Variants in FAM221A observed in about 807,000 individuals in gnomAD.
FAM221A encodes family with sequence similarity 221 member A.
A neutral mutation model predicts 37.6 loss-of-function variants in FAM221A; 43 were observed. The observed-to-expected ratio is 1.15, with a 90% CI of 0.90 to 1.48. FAM221A has a LOEUF of 1.48. Ranked by LOEUF, FAM221A falls within the 40% of genes most tolerant of loss-of-function variation. FAM221A has a pLI of 0.00. For synonymous variants in FAM221A, 135 were observed against 132.9 expected (o/e 1.02, Z -0.11); for missense variants, 361 against 361.5 (o/e 1.00, Z 0.01).
intron 3 of FAM221A, 90 bp from the exon 4 acceptor site, chr7:23,691,300 A>C: frequency 8.4e-7 from 1 of 1,196,182 alleles, no homozygotes; most frequent in Non-Finnish European, 1.2e-6. Context: ...CAGAGGATCT[A>C]GGTTCAGCTG....
intron 1 of FAM221A, among the ~76,000 whole-genome samples, chr7:23,681,862 G>C (rs1204880041): frequency 6.6e-6 from 1 of 152,164 alleles, no homozygotes; most frequent in Admixed American, 6.5e-5. Flanking sequence ...GGGGTGGGAA[G>C]ATGAGTCAAA....
intron 2 of FAM221A, among the ~76,000 whole-genome samples, chr7:23,686,073 T>C (rs1338889259): frequency 2.0e-5 from 3 of 152,198 alleles, no homozygotes; most frequent in Admixed American, 6.5e-5. Flanking sequence ...TATAAATTTA[T>C]TTAGCAACTC....
chr7:23,680,293 T>C lies in FAM221A; in HGVS notation c.65+10T>C, dbSNP rs1261345063. 2.6e-6 allele frequency: 4 copies of C among 1,538,834 alleles called. No homozygotes were observed. In the Admixed American group the frequency reaches 7.9e-5, roughly 31 times the overall value. ...ACCTGGAGTACCGGAGGTGAGGCTG[T>C]GGCTCCGGGCCTGCCCCCCCGCCGC... is the stretch of plus-strand genomic sequence containing the variant. On this transcript the variant is annotated intron_variant, in intron 1 of 6. Coordinates refer to ENST00000344962, the MANE Select transcript of FAM221A (RefSeq NM_199136.5).
chr7:23,700,198 A>G (rs1360816998), intron 5 of FAM221A, among the ~76,000 whole-genome samples: 3 of 152,204 alleles, frequency 2.0e-5, no homozygotes, highest in African/African-American at 7.2e-5. Context: ...GAAGGGACCC[A>G]GTGAAGACCT....
intron 5 of FAM221A, among the ~76,000 whole-genome samples, chr7:23,700,215 G>T (rs559231977): frequency 6.6e-6 from 1 of 152,270 alleles, no homozygotes; most frequent in Admixed American, 6.5e-5. Flanking sequence ...ACCTTCACTC[G>T]CAATGAAGGT....
chr7:23,685,579 C>T (rs1784320295), intron 2 of FAM221A, among the ~76,000 whole-genome samples: 1 of 152,182 alleles, frequency 6.6e-6, no homozygotes, highest in African/African-American at 2.4e-5. Flanking sequence ...ATCATGCTGT[C>T]CATCTATAAG....
At chr7:23,687,486 C>G (rs1283105815) in intron 2 of FAM221A, 2 of 152,012 alleles carry the variant, frequency 1.3e-5, no homozygotes, top group Admixed American at 1.3e-4. Flanking sequence ...GATGTAAGTA[C>G]TATTGCTAAT....
intron 4 of FAM221A, 126 bp downstream of exon 4, chr7:23,691,722 TTTTA>T (rs1784764867): frequency 1.3e-5 from 11 of 843,176 alleles, no homozygotes; most frequent in Non-Finnish European, 2.0e-5. Context: ...CTCGTTTGAT[TTTTA>T]TTTTTTAAAA....
At chr7:23,691,708 TTC>T (rs1465408862) in intron 4 of FAM221A, 112 bp downstream of exon 4, 2 of 922,236 alleles carry the variant, frequency 2.2e-6, no homozygotes, top group African/African-American at 1.7e-5. Flanking sequence ...TCAGAAAACA[TTC>T]TCTCGTTTGA....
intron 5 of FAM221A, among the ~76,000 whole-genome samples, chr7:23,699,761 C>T (rs1187024593): frequency 1.3e-5 from 2 of 151,852 alleles, no homozygotes; most frequent in African/African-American, 2.4e-5. Flanking sequence ...AGGCTGGTCT[C>T]GAACTCTTGA....
intron 2 of FAM221A, chr7:23,686,543 CG>C (rs1784382719): frequency 4.2e-6 from 1 of 239,710 alleles, no homozygotes; most frequent in Non-Finnish European, 8.4e-6. Flanking sequence ...TCAGATTACA[CG>C]TGTGCGCCAC....
intron 2 of FAM221A, among the ~76,000 whole-genome samples, chr7:23,686,059 T>G (rs1447460054): frequency 6.6e-6 from 1 of 152,182 alleles, no homozygotes; most frequent in Non-Finnish European, 1.5e-5. Flanking sequence ...GTATATAGAT[T>G]GATTATAAAT....
chr7:23,701,282 C>A (rs1785426462), intron 6 of FAM221A, among the ~76,000 whole-genome samples: 1 of 142,110 alleles, frequency 7.0e-6, no homozygotes, highest in Non-Finnish European at 1.5e-5. Context: ...GTCTGTCGCC[C>A]AGGCTGGAGT....
Position 23,702,287 on chromosome 7 carries a change from G to A in FAM221A, c.*123G>A. On this transcript the variant is annotated 3_prime_UTR_variant, in exon 7 of 7. Transcript: ENST00000344962. ...TTTTTTTACTGTATAAATGTCTTTT[G>A]GGATGTTTCCTTAATTTATTTAAAT... The A allele has an allele frequency of 1.9e-6, 1 of 529,590 alleles. No individual in the cohort carries two copies. Among genetic ancestry groups the A allele is most frequent in the Non-Finnish European group, 3.1e-6 (1 of 322,826 alleles). The allele number at this position is 529,590 out of a possible 1,614,324, so 32.8% of individuals were successfully genotyped here.
rs567087303 is a variant in FAM221A, at chr7:23,698,229, G to T, written c.675G>T (p.Thr225=). The change falls in exon 5 of 7, where the codon ACG becomes ACT. Residue 225 remains threonine, a synonymous_variant. Coordinates refer to ENST00000344962, the MANE Select transcript of FAM221A (RefSeq NM_199136.5). ...TTGAATTTTTAGAATCTCCCATTAC[G>T]GCAGTAGACAGCCCATTCCTAAAAG... ...PSVEFLESPI[T]AVDSPFLKAF... The T allele has an allele frequency of 1.9e-6, 3 of 1,595,828 alleles. No homozygotes were observed. Among genetic ancestry groups the T allele is most frequent in the South Asian group, 1.1e-5 (1 of 88,474 alleles).
chr7:23,690,435 C>G (rs1415323069), intron 3 of FAM221A, among the ~76,000 whole-genome samples: 1 of 151,834 alleles, frequency 6.6e-6, no homozygotes, highest in Non-Finnish European at 1.5e-5. Context: ...AAACCCCTGA[C>G]CTCAAGTGAT....
chr7:23,695,515 G>T (rs1785001437), intron 4 of FAM221A, among the ~76,000 whole-genome samples: 1 of 152,170 alleles, frequency 6.6e-6, no homozygotes, highest in South Asian at 2.1e-4. Context: ...TGGGATTACA[G>T]GCGCATGCCA....
At chr7:23,697,419 A>G (rs1360553555) in intron 4 of FAM221A, among the ~76,000 whole-genome samples, 1 of 152,212 alleles carries the variant, frequency 6.6e-6, no homozygotes, top group East Asian at 1.9e-4. Flanking sequence ...AAAAGTCAAT[A>G]TATTTAGCAA....
chr7:23,691,699 C>A, intron 4 of FAM221A, 103 bp downstream of exon 4: 1 of 979,386 alleles, frequency 1.0e-6, no homozygotes, highest in Non-Finnish European at 1.5e-6. Flanking sequence ...ATTTTTCTTT[C>A]AGAAAACATT....
Sources: gnomAD v4.1 joint callset for allele counts (sites outside exome capture counted in the v4.1 genomes callset) on GRCh38, gnomAD v4.1.1 for gene constraint, MANE v1.5 for transcripts, NCBI Gene and HGNC (gene_info 2026-07-23, HGNC 2026-07-21) for gene names.